The following MLLT3 variants were observed in gnomAD, a reference collection of about 807,000 sequenced individuals.
MLLT3 encodes protein AF-9.
A neutral mutation model predicts 53.2 loss-of-function variants in MLLT3; 4 were observed. The observed-to-expected ratio is 0.08, with a 90% CI of 0.04 to 0.17. MLLT3 has a LOEUF of 0.17. Among genes scored for constraint, MLLT3 ranks in the 10% least tolerant of loss-of-function variants. The pLI is 1.00. For synonymous variants in MLLT3, 283 were observed against 230.6 expected, an observed-to-expected ratio of 1.23 and a Z score of -2.06; for missense variants, 569 against 684.0, an observed-to-expected ratio of 0.83 and a Z score of 1.87.
chr9:20,353,074 G>A (rs1821075225), intron 10 of MLLT3, among the ~76,000 whole-genome samples: 1 of 152,070 alleles, frequency 6.6e-6, no homozygotes, highest in Admixed American at 6.5e-5. Flanking sequence ...TAAGGGAAAT[G>A]AAGAAAATAT....
At chr9:20,507,742 GA>G (rs72452530) in intron 2 of MLLT3, among the ~76,000 whole-genome samples, 2,805 of 84,492 alleles carry the variant, frequency 0.033, 68 homozygotes, top group African/African-American at 0.096. Context: ...TCCCAAAATG[GA>G]AAAAAAAAAA....
At chr9:20,424,035 T>C (rs1481664828) in intron 4 of MLLT3, among the ~76,000 whole-genome samples, 2 of 152,170 alleles carry the variant, frequency 1.3e-5, no homozygotes, top group Non-Finnish European at 2.9e-5. Context: ...TTGAGTAGTA[T>C]AACAAATCTA....
rs150920239 is a variant in MLLT3 at position 20,516,746 on chromosome 9, C to T, written c.194-59960G>A. Among the ~76,000 whole-genome samples the T allele has an allele frequency of 1.9e-3, 284 of 152,276 alleles. 2 individuals are homozygous for T. Among genetic ancestry groups the T allele is most frequent in the African/African-American group, 6.6e-3 (275 of 41,556 alleles). On this transcript the variant is annotated intron_variant, in intron 2 of 10. Coordinates refer to ENST00000380338, the MANE Select transcript of MLLT3 (RefSeq NM_004529.4). ...TTACATGGGAATGTTAAATTGGTAA[C>T]ACATTTTACCTCAACTCTGTTTCCA... is the stretch of plus-strand genomic sequence containing the variant.
intron 2 of MLLT3, among the ~76,000 whole-genome samples, chr9:20,566,733 G>A (rs1241324208): frequency 6.6e-6 from 1 of 151,990 alleles, no homozygotes; most frequent in Admixed American, 6.6e-5. Context: ...TCAGAAACAA[G>A]GAGAAACACA....
At chr9:20,408,579 C>G (rs1004637727) in intron 5 of MLLT3, among the ~76,000 whole-genome samples, 1 of 152,196 alleles carries the variant, frequency 6.6e-6, no homozygotes, top group African/African-American at 2.4e-5. Flanking sequence ...CCGATGAGAA[C>G]CTGCCCCCTG....
At chr9:20,512,567 A>G (rs1159284772) in intron 2 of MLLT3, among the ~76,000 whole-genome samples, 2 of 152,250 alleles carry the variant, frequency 1.3e-5, no homozygotes, top group South Asian at 2.1e-4. Flanking sequence ...AACAGCATCT[A>G]TGAGTACAAG....
intron 2 of MLLT3, among the ~76,000 whole-genome samples, chr9:20,472,771 C>A (rs1316165458): frequency 6.6e-6 from 1 of 152,056 alleles, no homozygotes; most frequent in African/African-American, 2.4e-5. Context: ...TAAACCATAT[C>A]CTTTCTTTAA....
chr9:20,373,073 A>G (rs893427349), intron 5 of MLLT3, among the ~76,000 whole-genome samples: 5 of 152,130 alleles, frequency 3.3e-5, no homozygotes, highest in African/African-American at 1.2e-4. Context: ...GCTTGATAGT[A>G]TATTTTGGTG....
In MLLT3 at chr9:20,592,078, C is replaced by G. The variant is rs57156408; in HGVS notation, c.193+28576G>C. The stretch of plus-strand genomic sequence containing the variant: ...TTTCATTCCCAAGTGATTAAGAGAT[C>G]AGAAAAAGATAAGGCAAGCCTATGA... On this transcript the variant is annotated intron_variant, in intron 2 of 10. Transcript: ENST00000380338. 9.3e-3 allele frequency among the ~76,000 whole-genome samples: 1,417 copies of G among 152,184 alleles called. 48 individuals carry two copies. The East Asian group carries it at 0.12, about 13-fold the overall frequency.
At chr9:20,613,990 A>G (rs557065344) in intron 2 of MLLT3, among the ~76,000 whole-genome samples, 1 of 152,336 alleles carries the variant, frequency 6.6e-6, no homozygotes, top group South Asian at 2.1e-4. Flanking sequence ...ACAATCCAAA[A>G]GAAGTATAAT....
In MLLT3 at chr9:20,524,485, C is replaced by G. The variant is rs144425220; in HGVS notation, c.194-67699G>C. On this transcript the variant is annotated intron_variant, in intron 2 of 10. Transcript: ENST00000380338. ...AAATCATCTTCCATACTTTTTAAAGCAGAGAAAAGGAATAACGGTGACTAA... is the reference window on the plus strand; with the variant it reads ...AAATCATCTTCCATACTTTTTAAAGGAGAGAAAAGGAATAACGGTGACTAA... Among the ~76,000 whole-genome samples the G allele has an allele frequency of 5.1e-4, 77 of 151,642 alleles. 1 individual carries two copies. The East Asian group carries it at 0.014, about 28-fold the overall frequency.
chr9:20,501,860 C>T (rs1034232620), intron 2 of MLLT3, among the ~76,000 whole-genome samples: 13 of 149,234 alleles, frequency 8.7e-5, no homozygotes, highest in Non-Finnish European at 1.6e-4. Flanking sequence ...GCAGGCAGAT[C>T]ACCTGAGACC....
chr9:20,431,133 T>C (rs1823258681), intron 4 of MLLT3, among the ~76,000 whole-genome samples: 1 of 152,170 alleles, frequency 6.6e-6, no homozygotes, highest in South Asian at 2.1e-4. Context: ...ATAACTATTA[T>C]ATAAAATAAA....
intron 4 of MLLT3, among the ~76,000 whole-genome samples, chr9:20,435,550 T>A (rs1823380360): frequency 6.6e-6 from 1 of 152,096 alleles, no homozygotes. Context: ...TATTTATATG[T>A]CCTCCAGATA....
chr9:20,390,996 T>G (rs950793565), intron 5 of MLLT3, among the ~76,000 whole-genome samples: 57 of 152,226 alleles, frequency 3.7e-4, no homozygotes, highest in African/African-American at 1.3e-3. Flanking sequence ...ATTTACATGC[T>G]TGCATGTAGT....
At chr9:20,528,073 A>C (rs1017118454) in intron 2 of MLLT3, among the ~76,000 whole-genome samples, 3 of 152,252 alleles carry the variant, frequency 2.0e-5, no homozygotes, top group Non-Finnish European at 4.4e-5. Context: ...AAATAGTTCC[A>C]GCATTTGGTA....
At chr9:20,466,423 T>C (rs147201644) in intron 2 of MLLT3, among the ~76,000 whole-genome samples, 1 of 152,188 alleles carries the variant, frequency 6.6e-6, no homozygotes, top group African/African-American at 2.4e-5. Context: ...TTCAAACGCA[T>C]TTACATTATG....
intron 5 of MLLT3, among the ~76,000 whole-genome samples, chr9:20,390,757 A>G (rs1822159509): frequency 6.6e-6 from 1 of 152,252 alleles, no homozygotes; most frequent in Admixed American, 6.5e-5. Flanking sequence ...AGAAGTACAA[A>G]TTAACATTTG....
intron 2 of MLLT3, among the ~76,000 whole-genome samples, chr9:20,494,253 T>C (rs1013055712): frequency 2.0e-4 from 30 of 152,158 alleles, no homozygotes; most frequent in African/African-American, 7.0e-4. Flanking sequence ...AGTTGCTAAA[T>C]GACTTCTGTG....
Sources: allele counts gnomAD v4.1 joint callset (sites outside exome capture counted in the v4.1 genomes callset), GRCh38; gene constraint gnomAD v4.1.1; transcripts MANE v1.5; gene names NCBI Gene and HGNC (gene_info 2026-07-23, HGNC 2026-07-21).